The following GTF2A1L variants were observed in gnomAD, a reference collection of about 807,000 sequenced individuals.
GTF2A1L encodes TFIIA-alpha and beta-like factor.
In GTF2A1L, 48 loss-of-function variants were observed where a neutral mutation model predicts 49.7. That is an observed-to-expected ratio of 0.97 (90% CI 0.77 to 1.23). The LOEUF (loss-of-function observed/expected upper bound fraction) is 1.23. Among genes scored for constraint, GTF2A1L ranks in the 50% most tolerant of loss-of-function variants. The pLI is 0.00. For missense variants in GTF2A1L, 736 were observed against 564.8 expected, an observed-to-expected ratio of 1.30 and a Z score of -3.07; for synonymous variants, 246 against 193.5, an observed-to-expected ratio of 1.27 and a Z score of -2.25.
intron 3 of GTF2A1L, among the ~76,000 whole-genome samples, chr2:48,635,885 C>T (rs1290597253): frequency 2.6e-5 from 4 of 152,134 alleles, no homozygotes; most frequent in African/African-American, 9.7e-5. Context: ...CCAACCCTTT[C>T]CCCAAGTTAG....
chr2:48,669,956 G>A lies in GTF2A1L; in HGVS notation c.1213G>A (p.Asp405Asn), dbSNP rs752996263. 16 of 1,613,832 alleles carry A rather than the reference G, an allele frequency of 9.9e-6. No homozygotes were observed. Among genetic ancestry groups the A allele is most frequent in the Non-Finnish European group, 1.2e-5 (14 of 1,179,898 alleles). Reference protein sequence around the residue: ...DSATNSSDNEDPQVNIVEEDP... With the variant: ...DSATNSSDNENPQVNIVEEDP... Reference sequence around the variant, plus strand: ...AGCCACAAACAGTAGTGATAATGAAGACCCTCAAGTAAACATTGTAGAAGA... The same window carrying A: ...AGCCACAAACAGTAGTGATAATGAAAACCCTCAAGTAAACATTGTAGAAGA... The change falls in exon 7 of 9, where the codon GAC (aspartate) becomes AAC (asparagine). Residue 405 changes from aspartate (D) to asparagine (N), a missense_variant. Asp to Asn is a conservative substitution (Grantham distance 23). Coordinates refer to ENST00000403751, the MANE Select transcript of GTF2A1L (RefSeq NM_006872.5).
At chr2:48,626,713 A>G (rs1676314209) in intron 3 of GTF2A1L, among the ~76,000 whole-genome samples, 1 of 143,918 alleles carries the variant, frequency 6.9e-6, no homozygotes, top group South Asian at 2.4e-4. Flanking sequence ...AGCTGGGACT[A>G]CAGGCATGTG....
chr2:48,660,212 C>A (rs768552171), intron 6 of GTF2A1L, among the ~76,000 whole-genome samples: 3 of 152,092 alleles, frequency 2.0e-5, no homozygotes, highest in Non-Finnish European at 2.9e-5. Context: ...AGGATTTTTG[C>A]ATGAATATTC....
chr2:48,656,352 T>C (rs1039137494), intron 6 of GTF2A1L, among the ~76,000 whole-genome samples: 1 of 133,342 alleles, frequency 7.5e-6, no homozygotes, highest in African/African-American at 3.6e-5. Context: ...TTTTCTGTTT[T>C]TTTTTTTTTT....
chr2:48,621,597 C>T (rs545585064), intron 3 of GTF2A1L, among the ~76,000 whole-genome samples: 62 of 152,262 alleles, frequency 4.1e-4, no homozygotes, highest in African/African-American at 1.4e-3. Context: ...GATAATTTGA[C>T]TGGGTCTAGT....
intron 3 of GTF2A1L, among the ~76,000 whole-genome samples, chr2:48,636,135 C>T (rs151150967): frequency 2.6e-5 from 4 of 152,244 alleles, no homozygotes; most frequent in Admixed American, 2.6e-4. Context: ...AAGCTCAAAC[C>T]ATTGATCTTT....
intron 4 of GTF2A1L, 90 bp downstream of exon 4, chr2:48,642,547 C>G: frequency 7.9e-7 from 1 of 1,260,786 alleles, no homozygotes; most frequent in South Asian, 1.8e-5. Context: ...TAATTTCTTA[C>G]CCTCCAGTTG....
chr2:48,670,397 A>C (rs992807055), intron 7 of GTF2A1L, among the ~76,000 whole-genome samples: 1 of 151,990 alleles, frequency 6.6e-6, no homozygotes, highest in Admixed American at 6.6e-5. Context: ...AAAAAGACTT[A>C]TTATATGCTT....
At chr2:48,676,462 T>C (rs917461068) in intron 8 of GTF2A1L, among the ~76,000 whole-genome samples, 1 of 151,778 alleles carries the variant, frequency 6.6e-6, no homozygotes, top group Non-Finnish European at 1.5e-5. Context: ...AAGTGATACC[T>C]TGTTGGAATT....
At chr2:48,672,754 A>G (rs1209523661) in intron 8 of GTF2A1L, among the ~76,000 whole-genome samples, 1 of 152,206 alleles carries the variant, frequency 6.6e-6, no homozygotes, top group Non-Finnish European at 1.5e-5. Context: ...ATGAATATTT[A>G]TATTCTTAAA....
chr2:48,679,282 G>C (rs1014428744), intron 8 of GTF2A1L, 53 bp from the exon 9 acceptor site: 4 of 1,583,456 alleles, frequency 2.5e-6, no homozygotes, highest in Non-Finnish European at 3.4e-6. Flanking sequence ...AGAAATGCAG[G>C]TGATCCTTTA....
At chr2:48,664,348 A>T (rs1233355601) in intron 6 of GTF2A1L, among the ~76,000 whole-genome samples, 1 of 151,572 alleles carries the variant, frequency 6.6e-6, no homozygotes, top group African/African-American at 2.4e-5. Flanking sequence ...GTTGATGTTT[A>T]AACAATTTTC....
chr2:48,658,933 T>C (rs187455465), intron 6 of GTF2A1L, among the ~76,000 whole-genome samples: 1 of 152,248 alleles, frequency 6.6e-6, no homozygotes, highest in East Asian at 1.9e-4. Context: ...CTCTTATATC[T>C]CCTTAACTTA....
rs1191932915 is a variant in GTF2A1L, at chr2:48,657,101, C to T, written c.978+10059C>T. On this transcript the variant is annotated intron_variant, in intron 6 of 8. Transcript: ENST00000403751. ...TTATTTTTTAATTTTTATTATTTATCGTTTCAGCTTTTATTTAAGATTCAG... is the reference window on the plus strand; with the variant it reads ...TTATTTTTTAATTTTTATTATTTATTGTTTCAGCTTTTATTTAAGATTCAG... 3.9e-5 allele frequency among the ~76,000 whole-genome samples: 6 copies of T among 152,172 alleles called. No individual in the cohort carries two copies. The East Asian group carries it at 7.7e-4, about 20-fold the overall frequency.
rs1237885977 is a variant in GTF2A1L at position 48,626,669 on chromosome 2, C to T, written c.247+5379C>T. 3.5e-5 allele frequency among the ~76,000 whole-genome samples: 5 copies of T among 143,740 alleles called. 1 individual carries two copies. The South Asian group carries it at 9.4e-4, about 27-fold the overall frequency. The allele number at this position is 143,740 out of a possible 152,430, so 94.3% of individuals were successfully genotyped here. ...CTCACTGCAGCCTCCACCCCCTGGG[C>T]GCAAGCCATTCTCCCACCTCGGACT... On this transcript the variant is annotated intron_variant, in intron 3 of 8. Transcript: ENST00000403751.
At chr2:48,668,635 T>C (rs1007870994) in intron 6 of GTF2A1L, 5 of 152,002 alleles carry the variant, frequency 3.3e-5, no homozygotes, top group African/African-American at 9.7e-5. Flanking sequence ...ATCTACATCA[T>C]CCTGGCTAAC....
intron 6 of GTF2A1L, among the ~76,000 whole-genome samples, chr2:48,656,663 A>G (rs1572750667): frequency 6.6e-6 from 1 of 152,126 alleles, no homozygotes; most frequent in African/African-American, 2.4e-5. Context: ...CTCTCTGTTA[A>G]TAATGTCTTT....
chr2:48,635,441 G>C (rs1021751434), intron 3 of GTF2A1L, among the ~76,000 whole-genome samples: 3 of 151,978 alleles, frequency 2.0e-5, no homozygotes, highest in Admixed American at 6.6e-5. Context: ...TTCTGCTTGG[G>C]GGGTGGAGCA....
Position 48,646,491 on chromosome 2 carries a change from G to C in GTF2A1L, c.427G>C (p.Glu143Gln), listed in dbSNP as rs1269953741. The stretch of plus-strand genomic sequence containing the variant: ...AGTCAATGTACCAATTATGGTGACA[G>C]AGACTTCTGGAAGAGCAGGTATTCT... Reference protein sequence around the residue: ...YKVNVPIMVTETSGRAGILQH... With the variant: ...YKVNVPIMVTQTSGRAGILQH... Residue 143 changes from glutamate (E) to glutamine (Q), a missense_variant, in exon 6 of 9, where the codon GAG becomes CAG. Transcript: ENST00000403751. The C allele has an allele frequency of 6.2e-7, 1 of 1,613,074 alleles. No individual in the cohort carries two copies. Among genetic ancestry groups the C allele is most frequent in the Admixed American group, 1.7e-5 (1 of 59,804 alleles).
Sources: allele counts gnomAD v4.1 joint callset (sites outside exome capture counted in the v4.1 genomes callset), GRCh38; gene constraint gnomAD v4.1.1; transcripts MANE v1.5; gene names NCBI Gene and HGNC (gene_info 2026-07-23, HGNC 2026-07-21).